WDR7: variants seen among roughly 807,000 people sequenced by gnomAD.
The protein encoded by WDR7 is WD repeat-containing protein 7.
In WDR7, 46 loss-of-function variants were observed where a neutral mutation model predicts 169.4. The ratio of observed to expected loss-of-function variants is 0.27; its 90% CI spans 0.21 to 0.35. The LOEUF (loss-of-function observed/expected upper bound fraction) is 0.35, where lower values mean the gene tolerates loss of function less well. Ranked by LOEUF, WDR7 falls within the 10% of genes least tolerant of loss-of-function variation. The pLI, the probability that WDR7 is intolerant of heterozygous loss-of-function variation, is 1.00. For synonymous variants in WDR7, 612 were observed against 666.8 expected (o/e 0.92, Z 1.27); for missense variants, 1,534 against 1,859.3 (o/e 0.83, Z 3.22).
intron 20 of WDR7, among the ~76,000 whole-genome samples, chr18:56,821,255 A>G (rs893157209): frequency 1.3e-5 from 2 of 152,232 alleles, no homozygotes; most frequent in African/African-American, 4.8e-5. Context: ...AGAGAAGGGT[A>G]AGAGAAGTTA....
At chr18:56,784,326 G>C (rs140839046) in intron 19 of WDR7, among the ~76,000 whole-genome samples, 2 of 152,088 alleles carry the variant, frequency 1.3e-5, no homozygotes, top group African/African-American at 4.8e-5. Flanking sequence ...GGAGTGTAAG[G>C]TGGTAAAGTG....
At chr18:57,034,786 A>G (rs990786698), downstream of WDR7, 10 of 152,072 alleles carry the variant, frequency 6.6e-5, no homozygotes, top group Admixed American at 5.9e-4. Context: ...TAGAGGCTAA[A>G]TGTGAAAGCC....
At chr18:56,798,809 T>A (rs902459310) in intron 19 of WDR7, among the ~76,000 whole-genome samples, 7 of 152,216 alleles carry the variant, frequency 4.6e-5, no homozygotes, top group African/African-American at 1.4e-4. Flanking sequence ...ATAAAATAGA[T>A]CTTATACATG....
intron 21 of WDR7, among the ~76,000 whole-genome samples, chr18:56,910,918 A>C (rs1304816448): frequency 6.6e-6 from 1 of 152,146 alleles, no homozygotes; most frequent in East Asian, 1.9e-4. Flanking sequence ...CTGTTACTTA[A>C]AAGTTATTGT....
At chr18:56,706,602 G>A (rs2025960884) in intron 12 of WDR7, among the ~76,000 whole-genome samples, 2 of 152,110 alleles carry the variant, frequency 1.3e-5, no homozygotes, top group African/African-American at 2.4e-5. Context: ...TATCTACATT[G>A]TCATTTGGAT....
rs1191289312 is a variant in WDR7 at position 57,020,856 on chromosome 18, G to A, written c.4269+7G>A. The A allele has an allele frequency of 1.9e-6, 3 of 1,613,726 alleles. No individual in the cohort carries two copies. Among genetic ancestry groups the A allele is most frequent in the South Asian group, 1.1e-5 (1 of 91,076 alleles). ...CCACATTTCTTTTTGGCAGGTAAGA[G>A]TAGATGCTCCAGGGTCTTAAAGCAT... On this transcript the variant is annotated splice_region_variant and intron_variant, in intron 27 of 27. Transcript: ENST00000254442.
intron 26 of WDR7, among the ~76,000 whole-genome samples, chr18:56,974,441 T>A (rs2047537393): frequency 6.7e-6 from 1 of 149,234 alleles, no homozygotes; most frequent in Non-Finnish European, 1.5e-5. Flanking sequence ...ACAGGCATGA[T>A]CATAGTGCAC....
In WDR7 at chr18:56,886,078, A is replaced by G. The variant is rs1003810835; in HGVS notation, c.3526+5913A>G. On this transcript the variant is annotated intron_variant, in intron 21 of 27. Coordinates refer to ENST00000254442, the MANE Select transcript of WDR7 (RefSeq NM_015285.3). ...ATATTTGAGGGAATAATCGAGGAAA[A>G]CATTTGCACCCTTGCTAGAGATCTA... 3.9e-5 allele frequency among the ~76,000 whole-genome samples: 6 copies of G among 152,302 alleles called. No homozygotes were observed. The South Asian group carries it at 8.3e-4, about 21-fold the overall frequency.
chr18:57,020,721 CATG>C, intron 26 of WDR7, 21 bp from the exon 27 acceptor site: 2 of 1,606,486 alleles, frequency 1.2e-6, no homozygotes, highest in South Asian at 1.1e-5. Context: ...GCTTATCATT[CATG>C]ATATCTGAAT....
At chr18:56,661,083 G>A (rs1457917596) in intron 1 of WDR7, among the ~76,000 whole-genome samples, 2 of 152,172 alleles carry the variant, frequency 1.3e-5, no homozygotes, top group African/African-American at 4.8e-5. Context: ...CAAATTTGGG[G>A]AAGCATGTTT....
rs770274331 is a variant in WDR7 at position 56,756,669 on chromosome 18, C to G, written c.2076C>G (p.Phe692Leu). 6.5e-5 allele frequency: 105 copies of G among 1,614,014 alleles called. No homozygotes were observed. Among genetic ancestry groups the G allele is most frequent in the Non-Finnish European group, 8.6e-5 (102 of 1,180,026 alleles). The stretch of plus-strand genomic sequence containing the variant: ...CAGACCCGGACATACATGTGCTATT[C>G]TTTGATGTGGAAGCGTTGATTATTC... Reference protein sequence around the residue: ...NLTDPDIHVLFFDVEALIIQL... With the variant: ...NLTDPDIHVLLFDVEALIIQL... The change falls in exon 15 of 28, where the codon TTC (phenylalanine) becomes TTG (leucine). Residue 692 changes from phenylalanine to leucine, a missense_variant. Coordinates refer to ENST00000254442, the MANE Select transcript of WDR7 (RefSeq NM_015285.3).
chr18:56,701,728 C>A (rs2025839108), intron 12 of WDR7, among the ~76,000 whole-genome samples: 1 of 151,982 alleles, frequency 6.6e-6, no homozygotes, highest in Non-Finnish European at 1.5e-5. Flanking sequence ...TACTATGGTA[C>A]CTTAAAATAT....
intron 14 of WDR7, among the ~76,000 whole-genome samples, chr18:56,734,488 G>C (rs1224368737): frequency 6.7e-6 from 1 of 149,486 alleles, no homozygotes; most frequent in East Asian, 2.0e-4. Context: ...TCCCTTAAGA[G>C]GCAAAAATTG....
chr18:56,674,927 C>T (rs1001025089), intron 2 of WDR7, among the ~76,000 whole-genome samples: 5 of 152,262 alleles, frequency 3.3e-5, no homozygotes, highest in African/African-American at 1.2e-4. Flanking sequence ...GTCAGAAGGA[C>T]TGCTTGTTCT....
chr18:56,761,611 A>T (rs140874094), intron 16 of WDR7, among the ~76,000 whole-genome samples: 41 of 152,080 alleles, frequency 2.7e-4, no homozygotes, highest in African/African-American at 9.1e-4. Flanking sequence ...TTCACTCATT[A>T]TACATCAACT....
rs753471141 is a variant in WDR7 at position 56,682,845 on chromosome 18, G to A, written c.512G>A (p.Arg171Gln). ...TCCATGAGTATTATTCGATCCCACC[G>A]AACACAAGGTCAGTGTATTATGCCT... ...ISSMSIIRSH[R>Q]TQEDTVVALS... is the part of the protein sequence containing the mutation. Residue 171 changes from arginine (R) to glutamine (Q), a missense_variant, in exon 5 of 28, where the codon CGA becomes CAA. Transcript: ENST00000254442. 1.1e-5 allele frequency: 17 copies of A among 1,613,078 alleles called. 1 individual carries two copies. In the Middle Eastern group the frequency reaches 4.9e-4, roughly 47 times the overall value.
intron 13 of WDR7, among the ~76,000 whole-genome samples, chr18:56,727,204 G>A (rs2026477333): frequency 6.6e-6 from 1 of 152,110 alleles, no homozygotes; most frequent in Admixed American, 6.5e-5. Context: ...ACGTAAAAGG[G>A]TAAATTCAGT....
At chr18:57,003,327 T>TA (rs921139000) in intron 26 of WDR7, among the ~76,000 whole-genome samples, 1 of 151,966 alleles carries the variant, frequency 6.6e-6, no homozygotes, top group Admixed American at 6.6e-5. Context: ...GAAATTATAC[T>TA]AAAAAAATAC....
chr18:56,851,881 C>G (rs1341278850), intron 20 of WDR7, among the ~76,000 whole-genome samples: 1 of 152,164 alleles, frequency 6.6e-6, no homozygotes, highest in African/African-American at 2.4e-5. Context: ...TTAGAAAATG[C>G]TTATAAAGTA....
Sources: allele counts gnomAD v4.1 joint callset (sites outside exome capture counted in the v4.1 genomes callset), GRCh38; gene constraint gnomAD v4.1.1; transcripts MANE v1.5; gene names NCBI Gene and HGNC (gene_info 2026-07-23, HGNC 2026-07-21).